The following SLC15A2 variants were observed in gnomAD, a reference collection of about 807,000 sequenced individuals.
SLC15A2 encodes the protein kidney H(+)/peptide cotransporter.
In SLC15A2, 77 loss-of-function variants were observed where a neutral mutation model predicts 95.5. The observed-to-expected ratio is 0.81, with a 90% CI of 0.67 to 0.97. The LOEUF (loss-of-function observed/expected upper bound fraction) is 0.97. Ranked by LOEUF, SLC15A2 falls within the 50% of genes least tolerant of loss-of-function variation. The probability of loss-of-function intolerance (pLI) is 0.00; values close to 1 mark genes in which losing one functional copy is unlikely to be tolerated. For synonymous variants in SLC15A2, 306 were observed against 306.9 expected (o/e 1.00, Z 0.03); for missense variants, 893 against 874.4 (o/e 1.02, Z -0.27).
At chr3:121,902,544 G>A (rs2332053) in intron 3 of SLC15A2, among the ~76,000 whole-genome samples, 67,529 of 151,308 alleles carry the variant, frequency 0.45, 15,527 homozygotes, top group East Asian at 0.69. Flanking sequence ...CATGTGTGAC[G>A]TTCCCCGCCT....
chr3:121,915,161 C>G, intron 5 of SLC15A2, 66 bp from the exon 6 acceptor site: 2 of 1,305,000 alleles, frequency 1.5e-6, no homozygotes, highest in East Asian at 4.7e-5. Context: ...AGCTCTGAAT[C>G]TGAACGTGGA....
chr3:121,914,991 C>G lies in SLC15A2; in HGVS notation c.529-236C>G. 3.2e-6 allele frequency: 4 copies of G among 1,262,942 alleles called. 1 individual carries two copies. In the South Asian group the frequency reaches 9.2e-5, roughly 29 times the overall value. The allele number at this position is 1,262,942 out of a possible 1,614,324, so 78.2% of individuals were successfully genotyped here. A position where few individuals can be genotyped will look rare whatever the true frequency, so the allele number is the denominator to read the frequency against. Reference sequence around the variant, plus strand: ...CTGAAGACAGGAAGATTATTTTTAACCTATGAAAAGGGAGGAAAAGAATGC... The same window carrying G: ...CTGAAGACAGGAAGATTATTTTTAAGCTATGAAAAGGGAGGAAAAGAATGC... On this transcript the variant is annotated intron_variant, in intron 5 of 21. Transcript: ENST00000489711.
At position 121,942,051 on chromosome 3, in the gene SLC15A2, A is replaced by G. The variant is rs1710473078; in HGVS notation, c.*1044A>G. 6.6e-6 allele frequency: 1 copy of G among 152,136 alleles called. No homozygotes were observed. The allele number at this position is 152,136 out of a possible 1,614,324, so 9.4% of individuals were successfully genotyped here. ...TGTTTTCCTGATTTACTTTTCCCAT[A>G]AGTTTTAAATACCATTTCTGCCTTG... On this transcript the variant is annotated 3_prime_UTR_variant, in exon 22 of 22. Coordinates refer to ENST00000489711, the MANE Select transcript of SLC15A2 (RefSeq NM_021082.4).
intron 3 of SLC15A2, among the ~76,000 whole-genome samples, chr3:121,909,124 G>C (rs906751463): frequency 6.6e-6 from 1 of 151,902 alleles, no homozygotes; most frequent in Non-Finnish European, 1.5e-5. Flanking sequence ...ACAGTGTTGT[G>C]AGATCTCAGC....
chr3:121,909,825 C>T (rs2107581065), intron 3 of SLC15A2, among the ~76,000 whole-genome samples: 1 of 151,504 alleles, frequency 6.6e-6, no homozygotes, highest in South Asian at 2.1e-4. Context: ...TTTTTTTTAG[C>T]TCACCAATTA....
At chr3:121,926,291 C>T (rs1227347517) in intron 13 of SLC15A2, among the ~76,000 whole-genome samples, 1 of 152,104 alleles carries the variant, frequency 6.6e-6, no homozygotes, top group Non-Finnish European at 1.5e-5. Context: ...GTAGTCGGAT[C>T]ATGGGGATGA....
intron 3 of SLC15A2, among the ~76,000 whole-genome samples, chr3:121,905,894 G>C (rs9713657): frequency 0.45 from 67,468 of 151,432 alleles, 15,472 homozygotes; most frequent in East Asian, 0.69. Flanking sequence ...TTCATGTCCT[G>C]TATATCCTTG....
At chr3:121,903,594 T>A (rs1217390757) in intron 3 of SLC15A2, among the ~76,000 whole-genome samples, 1 of 152,176 alleles carries the variant, frequency 6.6e-6, no homozygotes, top group Non-Finnish European at 1.5e-5. Flanking sequence ...CTAGCACCAT[T>A]TATTAAATAG....
chr3:121,906,941 G>A (rs935648055), intron 3 of SLC15A2, among the ~76,000 whole-genome samples: 1 of 152,188 alleles, frequency 6.6e-6, no homozygotes, highest in South Asian at 2.1e-4. Flanking sequence ...ATCTTGAAGA[G>A]TGTTTTCCAA....
At chr3:121,931,065 G>C in intron 18 of SLC15A2, 115 bp downstream of exon 18, 3 of 653,130 alleles carry the variant, frequency 4.6e-6, no homozygotes, top group Non-Finnish European at 8.2e-6. Flanking sequence ...GAGTATAGAC[G>C]CACTACTGAT....
chr3:121,933,416 A>G (rs1710272428), intron 19 of SLC15A2, among the ~76,000 whole-genome samples: 2 of 150,398 alleles, frequency 1.3e-5, no homozygotes, highest in South Asian at 2.1e-4. Flanking sequence ...CATCCTCTCC[A>G]GCACCTGTTG....
In SLC15A2 at chr3:121,894,544, C is replaced by A; in HGVS notation, c.68C>A (p.Pro23Gln). ...LFSPVSIEEV[P>Q]PRPPSPPKKP... ...TCACCTGTCTCCATTGAAGAGGTAC[C>A]ACCTCGACCACCTAGCCCTCCAAAG... Residue 23 changes from proline (P) to glutamine (Q), a missense_variant, in exon 1 of 22, where the codon CCA becomes CAA. Coordinates refer to ENST00000489711, the MANE Select transcript of SLC15A2 (RefSeq NM_021082.4). 1.9e-6 allele frequency: 3 copies of A among 1,613,954 alleles called. No homozygotes were observed. Among genetic ancestry groups the A allele is most frequent in the Non-Finnish European group, 2.5e-6 (3 of 1,179,908 alleles).
intron 12 of SLC15A2, 63 bp from the exon 13 acceptor site, chr3:121,924,882 G>A (rs960374611): frequency 8.8e-6 from 10 of 1,133,820 alleles, no homozygotes; most frequent in Middle Eastern, 1.9e-4. Flanking sequence ...GCAAATGAGT[G>A]CAGTGCTCAC....
chr3:121,930,813 A>T lies in SLC15A2; in HGVS notation c.1554-27A>T, dbSNP rs1218009769. On this transcript the variant is annotated intron_variant, in intron 17 of 21. Transcript: ENST00000489711. ...TTTATCAGGTGTTCCTGTTTGTTTG[A>T]TATGTAAATAATATCTCTACCCTCA... 3 of 1,438,002 alleles carry T rather than the reference A, an allele frequency of 2.1e-6. No homozygotes were observed. The South Asian group carries it at 3.5e-5, about 17-fold the overall frequency. The allele number at this position is 1,438,002 out of a possible 1,614,324, so 89.1% of individuals were successfully genotyped here. A position where few individuals can be genotyped will look rare whatever the true frequency, so the allele number is the denominator to read the frequency against.
chr3:121,939,638 A>G (rs1710420528), intron 20 of SLC15A2, 143 bp downstream of exon 20: 1 of 547,108 alleles, frequency 1.8e-6, no homozygotes, highest in African/African-American at 2.0e-5. Context: ...TATGACCTGA[A>G]CATCTTAACT....
chr3:121,904,096 T>G (rs1709580452), intron 3 of SLC15A2, among the ~76,000 whole-genome samples: 1 of 152,224 alleles, frequency 6.6e-6, no homozygotes, highest in Admixed American at 6.5e-5. Flanking sequence ...CTAGGTATTT[T>G]TTTCTCTTTG....
chr3:121,906,226 T>C (rs1489031828), intron 3 of SLC15A2, among the ~76,000 whole-genome samples: 1 of 152,176 alleles, frequency 6.6e-6, no homozygotes, highest in Non-Finnish European at 1.5e-5. Context: ...TCTTCCTCTA[T>C]CCCTTTATTT....
chr3:121,923,592 G>A (rs1489371673), intron 11 of SLC15A2, among the ~76,000 whole-genome samples: 1 of 152,218 alleles, frequency 6.6e-6, no homozygotes, highest in Non-Finnish European at 1.5e-5. Flanking sequence ...GCAGGGACAG[G>A]TTTGAGTGGC....
At chr3:121,902,207 G>A (rs1402953684) in intron 3 of SLC15A2, among the ~76,000 whole-genome samples, 1 of 152,130 alleles carries the variant, frequency 6.6e-6, no homozygotes, top group Non-Finnish European at 1.5e-5. Flanking sequence ...GTAGTGTCAA[G>A]TTGGTTTTAA....
Sources: allele counts gnomAD v4.1 joint callset (sites outside exome capture counted in the v4.1 genomes callset), GRCh38; gene constraint gnomAD v4.1.1; transcripts MANE v1.5; gene names NCBI Gene and HGNC (gene_info 2026-07-23, HGNC 2026-07-21).